The following C1QTNF9B variants were observed in gnomAD, a reference collection of about 807,000 sequenced individuals.
C1QTNF9B encodes C1q and TNF related 9B.
A neutral mutation model predicts 10.1 loss-of-function variants in C1QTNF9B; 9 were observed. That is an observed-to-expected ratio of 0.89 (90% CI 0.53 to 1.55). C1QTNF9B has a LOEUF of 1.55. Among genes scored for constraint, C1QTNF9B ranks in the 40% most tolerant of loss-of-function variants. C1QTNF9B has a pLI of 0.00. For missense variants in C1QTNF9B, 196 were observed against 414.4 expected (o/e 0.47, Z 4.58); for synonymous variants, 79 against 159.9 (o/e 0.49, Z 3.82).
chr13:23,891,167 C>G, exon 3 of C1QTNF9B: 2 of 1,037,036 alleles, frequency 1.9e-6, no homozygotes, highest in South Asian at 5.1e-5. Context: ...ATAACTTTTC[C>G]GTTTTCACCT....
At chr13:23,895,582 A>G (rs1486431372) in intron 1 of C1QTNF9B, among the ~76,000 whole-genome samples, 4 of 152,208 alleles carry the variant, frequency 2.6e-5, no homozygotes, top group Admixed American at 2.6e-4. Context: ...CAGAGGAGAG[A>G]AATTCAACAC....
chr13:23,896,052 A>C (rs1342460723), intron 1 of C1QTNF9B, among the ~76,000 whole-genome samples: 1 of 152,254 alleles, frequency 6.6e-6, no homozygotes, highest in Non-Finnish European at 1.5e-5. Flanking sequence ...TGTTAGAAAC[A>C]CAAACTTATT....
chr13:23,891,358 G>A (rs775048427), exon 3 of C1QTNF9B: 1 of 1,577,512 alleles, frequency 6.3e-7, no homozygotes, highest in East Asian at 2.2e-5. Context: ...ACAAGCCATT[G>A]AACCTCTCTC....
At chr13:23,893,395 T>G (rs1872084002) in intron 2 of C1QTNF9B, among the ~76,000 whole-genome samples, 1 of 152,212 alleles carries the variant, frequency 6.6e-6, no homozygotes, top group African/African-American at 2.4e-5. Flanking sequence ...AGGTTCAAAG[T>G]TCAGCAAACT....
intron 1 of C1QTNF9B, 147 bp downstream of exon 3, chr13:23,896,674 A>C (rs6490841): frequency 0.35 from 376,430 of 1,078,792 alleles, 66,273 homozygotes; most frequent in East Asian, 0.39. Context: ...GGATGGATGA[A>C]TGGGGTCAGG....
chr13:23,895,657 T>C (rs1872174008), intron 1 of C1QTNF9B, among the ~76,000 whole-genome samples: 1 of 152,178 alleles, frequency 6.6e-6, no homozygotes, highest in Middle Eastern at 3.2e-3. Flanking sequence ...GTATTTTGTA[T>C]CACCTATTTA....
chr13:23,893,899 A>G (rs1872104854), intron 2 of C1QTNF9B, among the ~76,000 whole-genome samples: 1 of 152,202 alleles, frequency 6.6e-6, no homozygotes, highest in Non-Finnish European at 1.5e-5. Context: ...GAGCATCTAC[A>G]GCTTCTTTTC....
At position 23,891,431 on chromosome 13, in the gene C1QTNF9B, G is replaced by T. The variant is rs1442735376; in HGVS notation, c.860C>A (p.Ala287Asp). 3.2e-6 allele frequency: 5 copies of T among 1,582,038 alleles called. 1 individual carries two copies. Among genetic ancestry groups the T allele is most frequent in the Non-Finnish European group, 4.3e-6 (5 of 1,153,884 alleles). ...CAGCTGCAGGACAATGCTGCCAGAGGCCTGGTCCTCAGAGCTCACGTAAGC... is the reference window on the plus strand; with the variant it reads ...CAGCTGCAGGACAATGCTGCCAGAGTCCTGGTCCTCAGAGCTCACGTAAGC... Residue 287 changes from alanine to aspartate, a missense_variant, in exon 3 of 3, where the codon GCC becomes GAC. Ala to Asp is a moderately radical substitution (Grantham distance 126, BLOSUM62 -2). Around this residue, in one of 5 missense-constraint regions of C1QTNF9B, gnomAD observed 72 missense variants for 87.1 expected, o/e 0.83. Coordinates refer to ENST00000382137, the Ensembl canonical transcript of C1QTNF9B.
chr13:23,894,013 T>A, intron 2 of C1QTNF9B, 126 bp downstream of exon 4: 1 of 1,200,468 alleles, frequency 8.3e-7, no homozygotes, highest in Non-Finnish European at 1.2e-6. Flanking sequence ...AATCCCCCCA[T>A]CTGGAGAGTA....
intron 1 of C1QTNF9B, chr13:23,894,454 G>A: frequency 1.5e-6 from 1 of 646,002 alleles, no homozygotes; most frequent in Non-Finnish European, 2.9e-6. Context: ...GACGTGCCTA[G>A]AGCGCACAGC....
intron 2 of C1QTNF9B, among the ~76,000 whole-genome samples, chr13:23,892,473 G>T (rs1390506601): frequency 6.6e-6 from 1 of 152,122 alleles, no homozygotes; most frequent in Non-Finnish European, 1.5e-5. Context: ...TAGGCAACAT[G>T]GCAAAACCTC....
chr13:23,896,544 C>T (rs1213059422), intron 1 of C1QTNF9B, among the ~76,000 whole-genome samples: 1 of 152,164 alleles, frequency 6.6e-6, no homozygotes, highest in East Asian at 1.9e-4. Context: ...CCTGCGGTGT[C>T]AGAGATGAGA....
At chr13:23,896,630 A>G (rs1872208402) in intron 1 of C1QTNF9B, among the ~76,000 whole-genome samples, 191 bp downstream of exon 3, 1 of 152,104 alleles carries the variant, frequency 6.6e-6, no homozygotes, top group Admixed American at 6.5e-5. Context: ...TCTGGCATGG[A>G]GCAGACCCCG....
rs1426986952 is a variant in C1QTNF9B, at chr13:23,893,038, A to G, written c.230-977T>C. Among the ~76,000 whole-genome samples, 3 of 151,980 alleles carry G rather than the reference A, an allele frequency of 2.0e-5. No individual in the cohort carries two copies. In the East Asian group the frequency reaches 5.8e-4, roughly 29 times the overall value. ...TACAGAAACCTTGCTGCTTCCTTGC[A>G]CCCCCACCCATACCAAAGAGCCGTC... On this transcript the variant is annotated intron_variant, in intron 2 of 2. Coordinates refer to ENST00000382137, the Ensembl canonical transcript of C1QTNF9B.
chr13:23,894,642 C>T, intron 1 of C1QTNF9B: 1 of 461,826 alleles, frequency 2.2e-6, no homozygotes, highest in South Asian at 1.5e-5. Flanking sequence ...TTACTAGGCT[C>T]CTATGAAAAC....
chr13:23,897,127 C>T, upstream of C1QTNF9B: 10 of 1,205,152 alleles, frequency 8.3e-6, no homozygotes, highest in Non-Finnish European at 1.2e-5. Flanking sequence ...CACACCTGGA[C>T]AGACTTGGCA....
Position 23,894,295 on chromosome 13 carries a change from G to C in C1QTNF9B, c.167-94C>G, listed in dbSNP as rs1213611439. 2.6e-6 allele frequency: 3 copies of C among 1,171,270 alleles called. No individual in the cohort carries two copies. The African/African-American group carries it at 4.4e-5, about 17-fold the overall frequency. The allele number at this position is 1,171,270 out of a possible 1,614,324, so 72.6% of individuals were successfully genotyped here. ...CATCAGCCATGTGTTGGAGAGTCTGGGGGTGACCCCCGCCCTGACGGGCAC... is the reference window on the plus strand; with the variant it reads ...CATCAGCCATGTGTTGGAGAGTCTGCGGGTGACCCCCGCCCTGACGGGCAC... On this transcript the variant is annotated intron_variant, in intron 1 of 2. Coordinates refer to ENST00000382137, the Ensembl canonical transcript of C1QTNF9B.
At chr13:23,893,470 G>A (rs1292820042) in intron 2 of C1QTNF9B, among the ~76,000 whole-genome samples, 1 of 152,066 alleles carries the variant, frequency 6.6e-6, no homozygotes, top group East Asian at 1.9e-4. Context: ...CATTTTTTTT[G>A]TTTTTCTGGT....
intron 1 of C1QTNF9B, 112 bp downstream of exon 3, chr13:23,896,709 T>C: frequency 2.0e-6 from 3 of 1,497,214 alleles, no homozygotes; most frequent in South Asian, 1.3e-5. Context: ...GCTGGGTGGA[T>C]GGATGGATGG....
Sources: gnomAD v4.1 joint callset for allele counts (sites outside exome capture counted in the v4.1 genomes callset) on GRCh38, gnomAD v4.1.1 for gene constraint, gnomAD v4.1.1 regional missense constraint, MANE v1.5 for transcripts, NCBI Gene and HGNC (gene_info 2026-07-23, HGNC 2026-07-21) for gene names.